RABGAP1L: variants seen among roughly 807,000 people sequenced by gnomAD.
RABGAP1L encodes rab GTPase-activating protein 1-like.
In RABGAP1L, 63 loss-of-function variants were observed where a neutral mutation model predicts 137.7. The observed-to-expected ratio is 0.46, with a 90% CI of 0.37 to 0.56. The LOEUF is 0.56. Ranked by LOEUF, RABGAP1L falls within the 20% of genes least tolerant of loss-of-function variation. The pLI is 0.00. For synonymous variants in RABGAP1L, 431 were observed against 433.7 expected, an observed-to-expected ratio of 0.99 and a Z score of 0.08; for missense variants, 1,095 against 1,244.0, an observed-to-expected ratio of 0.88 and a Z score of 1.80.
intron 21 of RABGAP1L, among the ~76,000 whole-genome samples, chr1:174,972,499 A>G (rs1477066742): frequency 6.6e-6 from 1 of 152,220 alleles, no homozygotes; most frequent in Non-Finnish European, 1.5e-5. Flanking sequence ...TCAATGAGAC[A>G]TTATAAGATA....
At chr1:174,383,088 C>T (rs1243195766) in intron 12 of RABGAP1L, among the ~76,000 whole-genome samples, 2 of 150,898 alleles carry the variant, frequency 1.3e-5, no homozygotes, top group African/African-American at 4.9e-5. Context: ...GGGTGCCTCC[C>T]AGTTAGGCTG....
chr1:174,589,210 AG>A, intron 13 of RABGAP1L, among the ~76,000 whole-genome samples: 1 of 152,246 alleles, frequency 6.6e-6, no homozygotes, highest in Non-Finnish European at 1.5e-5. Flanking sequence ...GATGATGTTG[AG>A]CACTTTTTTA....
At chr1:174,560,827 T>C (rs1667165010) in intron 13 of RABGAP1L, among the ~76,000 whole-genome samples, 1 of 152,212 alleles carries the variant, frequency 6.6e-6, no homozygotes, top group South Asian at 2.1e-4. Flanking sequence ...TTTGGTTTTC[T>C]GTTCCCGTGT....
At chr1:174,800,060 C>A (rs1688610430) in intron 18 of RABGAP1L, 1 of 1,263,650 alleles carries the variant, frequency 7.9e-7, no homozygotes, top group East Asian at 3.8e-5. Context: ...CTGCATCACT[C>A]TTGGCCATTT....
chr1:174,241,780 T>A, intron 5 of RABGAP1L, 123 bp downstream of exon 5: 1 of 853,204 alleles, frequency 1.2e-6, no homozygotes, highest in Non-Finnish European at 1.7e-6. Context: ...AAGACAAAAT[T>A]AATATTTGTA....
chr1:174,172,029 A>G (rs1484587709), intron 1 of RABGAP1L, among the ~76,000 whole-genome samples: 2 of 152,104 alleles, frequency 1.3e-5, no homozygotes, highest in Non-Finnish European at 2.9e-5. Context: ...AAGTAAAAAA[A>G]AGGATTTCAT....
chr1:174,604,079 C>T (rs1000123797), intron 13 of RABGAP1L, among the ~76,000 whole-genome samples: 1 of 151,932 alleles, frequency 6.6e-6, no homozygotes, highest in Admixed American at 6.6e-5. Flanking sequence ...GTGTGTACCC[C>T]ATGTCCTCTG....
At chr1:174,172,047 T>C (rs1186923883) in intron 1 of RABGAP1L, among the ~76,000 whole-genome samples, 1 of 151,782 alleles carries the variant, frequency 6.6e-6, no homozygotes, top group East Asian at 1.9e-4. Context: ...CATATATAAA[T>C]GAGATCATGT....
intron 17 of RABGAP1L, among the ~76,000 whole-genome samples, chr1:174,704,107 C>T (rs1328648663): frequency 1.3e-5 from 2 of 152,206 alleles, no homozygotes; most frequent in Non-Finnish European, 2.9e-5. Context: ...AAGCAATTCT[C>T]CTGCCTCGGC....
chr1:174,383,429 A>G (rs1486213212), intron 12 of RABGAP1L, among the ~76,000 whole-genome samples: 1 of 151,838 alleles, frequency 6.6e-6, no homozygotes, highest in Admixed American at 6.6e-5. Flanking sequence ...CTGCTGTGCT[A>G]GCAATCAGCG....
At position 174,799,840 on chromosome 1, in the gene RABGAP1L, T is replaced by C. The variant is rs767111704; in HGVS notation, c.2212-11992T>C. ...TCGAGGATTGCAATGAGCTCATCGTTTTCTCCTTGCAGCTTCACAACTGCC... is the reference window on the plus strand; with the variant it reads ...TCGAGGATTGCAATGAGCTCATCGTCTTCTCCTTGCAGCTTCACAACTGCC... On this transcript the variant is annotated intron_variant, in intron 18 of 25. Coordinates refer to ENST00000681986, the MANE Select transcript of RABGAP1L (RefSeq NM_001366446.1). 92 of 988,824 alleles carry C rather than the reference T, an allele frequency of 9.3e-5. No homozygotes were observed. The Admixed American group carries it at 1.9e-3, about 20-fold the overall frequency. The allele number at this position is 988,824 out of a possible 1,614,324, so 61.3% of individuals were successfully genotyped here.
chr1:174,161,417 T>C (rs936732061), intron 1 of RABGAP1L, among the ~76,000 whole-genome samples: 1 of 152,028 alleles, frequency 6.6e-6, no homozygotes, highest in African/African-American at 2.4e-5. Flanking sequence ...TAATTTTGTA[T>C]TTTTAGTACA....
At position 174,982,852 on chromosome 1, in the gene RABGAP1L, A is replaced by G; in HGVS notation, c.2752A>G (p.Thr918Ala). 1 of 1,550,488 alleles carries G rather than the reference A, an allele frequency of 6.4e-7. No individual in the cohort carries two copies. Among genetic ancestry groups the G allele is most frequent in the Non-Finnish European group, 8.7e-7 (1 of 1,146,912 alleles). Residue 918 changes from threonine to alanine, a missense_variant, in exon 24 of 26, where the codon ACC becomes GCC. Thr to Ala is a moderately conservative substitution (Grantham distance 58). Coordinates refer to ENST00000681986, the MANE Select transcript of RABGAP1L (RefSeq NM_001366446.1). Reference sequence around the variant, plus strand: ...TCCTTAGATCTGTTCGCAGTTGAGTACCAGGCTGGAGAAACAGCAAGCAGC... The same window carrying G: ...TCCTTAGATCTGTTCGCAGTTGAGTGCCAGGCTGGAGAAACAGCAAGCAGC... Reference protein sequence around the residue: ...EYKQICSQLSTRLEKQQAASK... With the variant: ...EYKQICSQLSARLEKQQAASK...
At chr1:174,612,340 T>G (rs1671333234) in intron 13 of RABGAP1L, among the ~76,000 whole-genome samples, 1 of 152,224 alleles carries the variant, frequency 6.6e-6, no homozygotes, top group Non-Finnish European at 1.5e-5. Context: ...TTGGTTCTGT[T>G]TATATGCTGG....
intron 18 of RABGAP1L, among the ~76,000 whole-genome samples, chr1:174,757,600 T>TGATTTAGTA (rs1297523726): frequency 6.6e-6 from 1 of 150,702 alleles, no homozygotes; most frequent in African/African-American, 2.4e-5. Flanking sequence ...TTAAAAGTAA[T>TGATTTAGTA]GATTTAGTAA....
intron 17 of RABGAP1L, among the ~76,000 whole-genome samples, chr1:174,714,632 A>G (rs374352418): frequency 2.6e-5 from 4 of 152,230 alleles, no homozygotes; most frequent in Non-Finnish European, 2.9e-5. Context: ...AAACCTAGAC[A>G]TAGTAGCTCC....
At chr1:174,247,287 C>T (rs1672345969) in intron 5 of RABGAP1L, among the ~76,000 whole-genome samples, 1 of 152,144 alleles carries the variant, frequency 6.6e-6, no homozygotes, top group African/African-American at 2.4e-5. Context: ...CAGGTGTTCT[C>T]CTGTTTTCAC....
At chr1:174,496,248 C>T (rs552514488) in intron 13 of RABGAP1L, among the ~76,000 whole-genome samples, 1 of 152,084 alleles carries the variant, frequency 6.6e-6, no homozygotes, top group Admixed American at 6.5e-5. Context: ...AAGGAAAATC[C>T]TTTCCAGTGT....
chr1:174,854,917 T>C (rs886519038), intron 19 of RABGAP1L, among the ~76,000 whole-genome samples: 1 of 151,630 alleles, frequency 6.6e-6, no homozygotes, highest in Admixed American at 6.6e-5. Context: ...TTTGTATTTT[T>C]AGTAGAGACA....
Sources: allele counts gnomAD v4.1 joint callset (sites outside exome capture counted in the v4.1 genomes callset), GRCh38; gene constraint gnomAD v4.1.1; transcripts MANE v1.5; gene names NCBI Gene and HGNC (gene_info 2026-07-23, HGNC 2026-07-21).